Variants in NOS1 observed in about 807,000 individuals in gnomAD.
NOS1 encodes the protein NOS type I.
Under a neutral mutation model 164.5 loss-of-function variants are expected in NOS1, and 51 were observed. The ratio of observed to expected loss-of-function variants is 0.31; its 90% CI spans 0.25 to 0.39. The LOEUF (loss-of-function observed/expected upper bound fraction) is 0.39. NOS1 is among the 10% of genes least tolerant of loss of function. NOS1 has a pLI of 1.00. For missense variants in NOS1, 1,362 were observed against 1,885.6 expected (o/e 0.72, Z 5.14); for synonymous variants, 719 against 745.8 (o/e 0.96, Z 0.59).
In NOS1 at chr12:117,212,620, T is replaced by C; in HGVS notation, c.*2689A>G. On this transcript the variant is annotated 3_prime_UTR_variant, in exon 29 of 29. Coordinates refer to ENST00000317775, the MANE Select transcript of NOS1 (RefSeq NM_000620.5). ...TGTGAAATGGGGCTGGAGCTGCTAC[T>C]GGTCAATTCAGGGGGAAGAGGGAAA... is the stretch of plus-strand genomic sequence containing the variant. 3 of 985,436 alleles carry C rather than the reference T, an allele frequency of 3.0e-6. No homozygotes were observed. The highest frequency in any genetic ancestry group is 3.6e-6 in the Non-Finnish European group (3 of 829,930). 61.0% of individuals were successfully genotyped at this position (985,436 alleles called of 1,614,324 possible). A position where few individuals can be genotyped will look rare whatever the true frequency, so the allele number is the denominator to read the frequency against.
chr12:117,288,300 C>T (rs1566060415), intron 4 of NOS1, 81 bp from the exon 5 acceptor site: 1 of 1,381,812 alleles, frequency 7.2e-7, no homozygotes, highest in Non-Finnish European at 9.9e-7. Flanking sequence ...GGATCTCGTA[C>T]TCATGGTTGA....
chr12:117,264,044 C>G (rs1213228475), intron 12 of NOS1, 70 bp from the exon 13 acceptor site: 5 of 1,261,378 alleles, frequency 4.0e-6, no homozygotes, highest in African/African-American at 3.0e-5. Context: ...TGGGGATGCT[C>G]AGGACCACCT....
chr12:117,264,044 C>A, intron 12 of NOS1, 70 bp from the exon 13 acceptor site: 1 of 1,261,492 alleles, frequency 7.9e-7, no homozygotes, highest in Non-Finnish European at 1.1e-6. Flanking sequence ...TGGGGATGCT[C>A]AGGACCACCT....
chr12:117,318,664 T>C (rs1043715184), intron 2 of NOS1, among the ~76,000 whole-genome samples: 1 of 152,128 alleles, frequency 6.6e-6, no homozygotes, highest in Non-Finnish European at 1.5e-5. Flanking sequence ...TGAAGGTGGG[T>C]CGATTGGCCC....
Position 117,272,378 on chromosome 12 carries a change from C to T in NOS1, c.1839+7G>A. 6.2e-7 allele frequency: 1 copy of T among 1,614,114 alleles called. No homozygotes were observed. The highest frequency in any genetic ancestry group is 8.5e-7 in the Non-Finnish European group (1 of 1,180,002). On this transcript the variant is annotated splice_region_variant and intron_variant, in intron 10 of 28. Coordinates refer to ENST00000317775, the MANE Select transcript of NOS1 (RefSeq NM_000620.5). This position sits in a 1 kb window ranked among gnomAD's most constrained non-coding sequence, Gnocchi z 4.3. ...TTTCCCCTGTGGTGACCAGAGAGGG[C>T]CCTTACCTCCAGGATATTGTAGCGG...
At position 117,302,602 on chromosome 12, in the gene NOS1, A is replaced by G. The variant is rs563953287; in HGVS notation, c.852+8864T>C. 2.0e-5 allele frequency among the ~76,000 whole-genome samples: 3 copies of G among 151,676 alleles called. No individual in the cohort carries two copies. The South Asian group carries it at 6.3e-4, about 32-fold the overall frequency. ...AGAGCGAGACTCCGTCTCAAAAAAA[A>G]AAAAAAAAAAAAAAAATTAGTTGTC... On this transcript the variant is annotated intron_variant, in intron 3 of 28. Transcript: ENST00000317775.
intron 11 of NOS1, among the ~76,000 whole-genome samples, chr12:117,266,226 G>C (rs1038517314): frequency 6.6e-6 from 1 of 152,052 alleles, no homozygotes; most frequent in Non-Finnish European, 1.5e-5. Flanking sequence ...AGTATACACT[G>C]CACACAATTT....
In NOS1 at chr12:117,209,146, T is replaced by C. The variant is rs147401367; in HGVS notation, c.*6163A>G. 1.4e-3 allele frequency: 1,331 copies of C among 985,402 alleles called. 14 individuals carry two copies. In the African/African-American group the frequency reaches 0.022, roughly 16 times the overall value. 61.0% of individuals were successfully genotyped at this position (985,402 alleles called of 1,614,324 possible). Reference sequence around the variant, plus strand: ...GCTAGGCAAAGTTTCTGCTGCGTGCTCCAGGAAATCTATAATGAGAAGTCC... The same window carrying C: ...GCTAGGCAAAGTTTCTGCTGCGTGCCCCAGGAAATCTATAATGAGAAGTCC... On this transcript the variant is annotated 3_prime_UTR_variant, in exon 29 of 29. Coordinates refer to ENST00000317775, the MANE Select transcript of NOS1 (RefSeq NM_000620.5).
intron 3 of NOS1, among the ~76,000 whole-genome samples, chr12:117,309,797 C>CAG (rs1175950176): frequency 2.6e-5 from 4 of 152,104 alleles, no homozygotes; most frequent in Admixed American, 6.6e-5. Context: ...AAGAAACAGT[C>CAG]TCCTAGTTAG....
chr12:117,253,839 G>A, intron 16 of NOS1, 85 bp from the exon 17 acceptor site: 2 of 868,978 alleles, frequency 2.3e-6, no homozygotes, highest in South Asian at 2.9e-5. Context: ...CAAGTGACCA[G>A]TCCTGATTCT....
At chr12:117,283,701 C>T (rs768435760) in intron 7 of NOS1, among the ~76,000 whole-genome samples, 9 of 151,808 alleles carry the variant, frequency 5.9e-5, no homozygotes, top group Non-Finnish European at 8.8e-5. Context: ...ACTAAAAATA[C>T]AAAAATTAGC....
At chr12:117,258,572 G>T in intron 15 of NOS1, 117 bp from the exon 16 acceptor site, 1 of 1,021,274 alleles carries the variant, frequency 9.8e-7, no homozygotes, top group Non-Finnish European at 1.5e-6. Context: ...CGGAGGCCAG[G>T]ATGTCAGGAG....
In NOS1 at chr12:117,331,175, C is replaced by A; in HGVS notation, c.-106G>T. On this transcript the variant is annotated 5_prime_UTR_variant, in exon 2 of 29. Coordinates refer to ENST00000317775, the MANE Select transcript of NOS1 (RefSeq NM_000620.5). ...CTTCAGGCTACACGGAGAGCAGGAGCCGGGGTGACAGGTGCTGACAAGGCT... is the reference window on the plus strand; with the variant it reads ...CTTCAGGCTACACGGAGAGCAGGAGACGGGGTGACAGGTGCTGACAAGGCT... 1 of 1,413,944 alleles carries A rather than the reference C, an allele frequency of 7.1e-7. No homozygotes were observed. Among genetic ancestry groups the A allele is most frequent in the Non-Finnish European group, 9.6e-7 (1 of 1,045,590 alleles). 87.6% of individuals were successfully genotyped at this position (1,413,944 alleles called of 1,614,324 possible).
intron 9 of NOS1, among the ~76,000 whole-genome samples, chr12:117,277,498 G>A (rs912383874): frequency 2.0e-5 from 3 of 152,060 alleles, no homozygotes; most frequent in Admixed American, 2.0e-4. Flanking sequence ...AGGGGTTGAG[G>A]TGGGAGGATC....
chr12:117,354,256 C>A (rs527849230), intron 1 of NOS1, among the ~76,000 whole-genome samples: 7 of 149,614 alleles, frequency 4.7e-5, no homozygotes, highest in Admixed American at 2.6e-4. Context: ...TTACAAAAAT[C>A]ATCAAAATCA....
chr12:117,339,213 A>G (rs1875979957), intron 1 of NOS1, among the ~76,000 whole-genome samples: 1 of 152,138 alleles, frequency 6.6e-6, no homozygotes, highest in Non-Finnish European at 1.5e-5. Context: ...GGGGATCCCA[A>G]AGACACAAGC....
chr12:117,265,604 G>A, intron 11 of NOS1, 94 bp from the exon 12 acceptor site: 1 of 958,468 alleles, frequency 1.0e-6, no homozygotes, highest in Non-Finnish European at 1.5e-6. Context: ...CCAAAGGGTG[G>A]TCCCTGAGAT....
chr12:117,270,446 T>C (rs898056845), intron 10 of NOS1, among the ~76,000 whole-genome samples: 4 of 152,006 alleles, frequency 2.6e-5, no homozygotes, highest in African/African-American at 9.7e-5. Context: ...GGCATTAGTT[T>C]CTGCTTGGGG....
In NOS1 at chr12:117,242,684, T is replaced by C. The variant is rs1242572606; in HGVS notation, c.2984A>G (p.Lys995Arg). ...LTQGLSNVHKKRVSAARLLSR... is the reference protein window; with the variant it reads ...LTQGLSNVHKRRVSAARLLSR... ...AAGGAGCCGGGCAGCTGAGACTCGC[T>C]TTTTGTGGACATTGGATAGACCTGT... Residue 995 changes from lysine (K) to arginine (R), a missense_variant, in exon 20 of 29, where the codon AAG (lysine) becomes AGG (arginine). Lys to Arg is a conservative substitution (Grantham distance 26). This residue lies in a region of NOS1 where 737 missense variants were observed against 1,030.3 expected (regional missense o/e 0.72). Transcript: ENST00000317775. 3 of 1,614,136 alleles carry C rather than the reference T, an allele frequency of 1.9e-6. No homozygotes were observed. The highest frequency in any genetic ancestry group is 4.5e-5 in the East Asian group (2 of 44,880).
Sources: allele counts gnomAD v4.1 joint callset (sites outside exome capture counted in the v4.1 genomes callset), GRCh38; gene constraint gnomAD v4.1.1; regional missense constraint gnomAD v4.1.1; non-coding constraint Gnocchi (gnomAD v3.1); transcripts MANE v1.5; gene names NCBI Gene and HGNC (gene_info 2026-07-23, HGNC 2026-07-21).